Variants in HNRNPLL observed in about 807,000 individuals in gnomAD.
The protein encoded by HNRNPLL is heterogeneous nuclear ribonucleoprotein L like.
Under a neutral mutation model 67.1 loss-of-function variants are expected in HNRNPLL, and 25 were observed. The ratio of observed to expected loss-of-function variants is 0.37; its 90% CI spans 0.27 to 0.52. The LOEUF (loss-of-function observed/expected upper bound fraction) is 0.52, where lower values mean the gene tolerates loss of function less well. Ranked by LOEUF, HNRNPLL falls within the 20% of genes least tolerant of loss-of-function variation. The pLI is 0.90. For missense variants in HNRNPLL, 542 were observed against 673.9 expected (o/e 0.80, Z 2.17); for synonymous variants, 267 against 241.7 (o/e 1.10, Z -0.97).
chr2:38,590,220 C>CAA (rs1666903855), intron 2 of HNRNPLL, among the ~76,000 whole-genome samples: 1 of 152,182 alleles, frequency 6.6e-6, no homozygotes, highest in Non-Finnish European at 1.5e-5. Context: ...TGCCACAATG[C>CAA]AAGTTATCAC....
intron 6 of HNRNPLL, chr2:38,578,041 T>C (rs1558535079): frequency 2.1e-6 from 1 of 470,202 alleles, no homozygotes; most frequent in Non-Finnish European, 4.4e-6. Flanking sequence ...ACACAGAGTA[T>C]TTTATAAGTA....
At chr2:38,592,157 C>G (rs1379840390) in intron 1 of HNRNPLL, among the ~76,000 whole-genome samples, 1 of 152,150 alleles carries the variant, frequency 6.6e-6, no homozygotes, top group African/African-American at 2.4e-5. Flanking sequence ...AGGGAGCATT[C>G]TATCTCAGTA....
At chr2:38,581,186 C>CT (rs1459726703) in intron 6 of HNRNPLL, 2 of 152,196 alleles carry the variant, frequency 1.3e-5, no homozygotes, top group African/African-American at 2.4e-5. Context: ...CAATTTGAAT[C>CT]TAAGCTGCAC....
At chr2:38,580,109 T>C (rs752975592) in intron 6 of HNRNPLL, among the ~76,000 whole-genome samples, 1 of 152,194 alleles carries the variant, frequency 6.6e-6, no homozygotes, top group Non-Finnish European at 1.5e-5. Context: ...TCTACACCTG[T>C]TTAAAGAGCC....
At chr2:38,590,517 C>G (rs1666916719) in intron 2 of HNRNPLL, among the ~76,000 whole-genome samples, 1 of 152,104 alleles carries the variant, frequency 6.6e-6, no homozygotes, top group African/African-American at 2.4e-5. Context: ...ATTATCTATA[C>G]TAAGAAAAGA....
At chr2:38,580,131 T>C (rs573750068) in intron 6 of HNRNPLL, among the ~76,000 whole-genome samples, 10 of 152,156 alleles carry the variant, frequency 6.6e-5, no homozygotes, top group East Asian at 5.8e-4. Flanking sequence ...CTGAGAAAAA[T>C]GTAACCACAA....
intron 1 of HNRNPLL, among the ~76,000 whole-genome samples, chr2:38,600,511 G>C (rs1667385069): frequency 6.6e-6 from 1 of 152,028 alleles, no homozygotes; most frequent in Admixed American, 6.5e-5. Flanking sequence ...TGGATCTCTT[G>C]AGCCCAGGAG....
chr2:38,583,956 C>A (rs561924449), intron 3 of HNRNPLL, 30 bp from the exon 4 acceptor site: 4 of 969,712 alleles, frequency 4.1e-6, no homozygotes, highest in Non-Finnish European at 4.6e-6. Flanking sequence ...GATTTCTTCA[C>A]ACTTTACATC....
intron 1 of HNRNPLL, chr2:38,600,015 G>C (rs564663150): frequency 2.3e-6 from 1 of 429,466 alleles, no homozygotes; most frequent in Non-Finnish European, 4.8e-6. Flanking sequence ...GAACGAAGAA[G>C]CACAAGACAG....
chr2:38,592,888 T>C (rs978671960), intron 1 of HNRNPLL, among the ~76,000 whole-genome samples: 1 of 152,224 alleles, frequency 6.6e-6, no homozygotes, highest in African/African-American at 2.4e-5. Context: ...ATTTAACAAT[T>C]GTTTTAAGAA....
chr2:38,592,435 A>G (rs575832595), intron 1 of HNRNPLL, among the ~76,000 whole-genome samples: 2 of 152,366 alleles, frequency 1.3e-5, no homozygotes, highest in Non-Finnish European at 1.5e-5. Context: ...TAGTCCCACT[A>G]TAACTTGAGG....
At chr2:38,565,924 T>A (rs1665842083) in intron 12 of HNRNPLL, 2 of 688,730 alleles carry the variant, frequency 2.9e-6, no homozygotes, top group African/African-American at 3.9e-5. Context: ...CTAGAATATT[T>A]TAAAGCAAAT....
At chr2:38,583,365 G>A (rs1272130355) in intron 4 of HNRNPLL, among the ~76,000 whole-genome samples, 2 of 152,048 alleles carry the variant, frequency 1.3e-5, no homozygotes, top group Non-Finnish European at 2.9e-5. Flanking sequence ...TTTAAGATGG[G>A]TCCAGCTTGG....
rs192182627 is a variant in HNRNPLL, at chr2:38,574,223, G to A, written c.875-796C>T. On this transcript the variant is annotated intron_variant, in intron 7 of 12. Coordinates refer to ENST00000449105, the MANE Select transcript of HNRNPLL (RefSeq NM_138394.4). Reference sequence around the variant, plus strand: ...CACAACAGATCTAACAAAAAATAAAGCTAGAGTGTAGAATGAAAAGAAATG... The same window carrying A: ...CACAACAGATCTAACAAAAAATAAAACTAGAGTGTAGAATGAAAAGAAATG... Among the ~76,000 whole-genome samples the A allele has an allele frequency of 3.0e-4, 45 of 151,854 alleles. 2 individuals are homozygous for A. The East Asian group carries it at 8.1e-3, about 27-fold the overall frequency.
chr2:38,568,924 G>C (rs1394224674), intron 10 of HNRNPLL, among the ~76,000 whole-genome samples: 2 of 152,076 alleles, frequency 1.3e-5, no homozygotes, highest in Admixed American at 6.5e-5. Flanking sequence ...ACTCTCAAAA[G>C]GATTGAGCCA....
At chr2:38,580,613 ACT>A (rs1166027391) in intron 6 of HNRNPLL, among the ~76,000 whole-genome samples, 1 of 152,190 alleles carries the variant, frequency 6.6e-6, no homozygotes, top group African/African-American at 2.4e-5. Context: ...TAGTTCAAAC[ACT>A]GATATTGTAG....
intron 12 of HNRNPLL, among the ~76,000 whole-genome samples, chr2:38,566,822 A>T (rs908568077): frequency 3.6e-5 from 5 of 137,382 alleles, no homozygotes; most frequent in Admixed American, 2.1e-4. Flanking sequence ...TGTCTCTATT[A>T]AAAAAAAAAA....
intron 5 of HNRNPLL, 42 bp from the exon 6 acceptor site, chr2:38,582,027 A>C (rs988832678): frequency 6.3e-7 from 1 of 1,599,154 alleles, no homozygotes; most frequent in Non-Finnish European, 8.6e-7. Context: ...CTGCATATCC[A>C]AAGCATAAAT....
intron 1 of HNRNPLL, among the ~76,000 whole-genome samples, chr2:38,598,259 G>T (rs995582879): frequency 6.6e-6 from 1 of 152,152 alleles, no homozygotes; most frequent in Admixed American, 6.5e-5. Flanking sequence ...TACGGGCTGG[G>T]AAAGAGAGGA....
Sources: allele counts gnomAD v4.1 joint callset (sites outside exome capture counted in the v4.1 genomes callset), GRCh38; gene constraint gnomAD v4.1.1; transcripts MANE v1.5; gene names NCBI Gene and HGNC (gene_info 2026-07-23, HGNC 2026-07-21).